TAFA5: variants seen among roughly 807,000 people sequenced by gnomAD.
The protein encoded by TAFA5 is chemokine-like protein TAFA-5.
In TAFA5, 6 loss-of-function variants were observed where a neutral mutation model predicts 15.3. The ratio of observed to expected loss-of-function variants is 0.39; its 90% CI spans 0.21 to 0.77. The LOEUF (loss-of-function observed/expected upper bound fraction) is 0.77. Among genes scored for constraint, TAFA5 ranks in the 30% least tolerant of loss-of-function variants. The probability of loss-of-function intolerance (pLI) is 0.41; values close to 1 mark genes in which losing one functional copy is unlikely to be tolerated. For missense variants in TAFA5, 161 were observed against 193.1 expected (o/e 0.83, Z 0.98); for synonymous variants, 103 against 80.7 (o/e 1.28, Z -1.48).
chr22:48,546,849 G>A (rs1922691963), intron 1 of TAFA5: 1 of 295,916 alleles, frequency 3.4e-6, no homozygotes, highest in South Asian at 3.0e-5. Flanking sequence ...CTCGTGCGGG[G>A]AGGACGATTG....
intron 2 of TAFA5, among the ~76,000 whole-genome samples, chr22:48,703,780 C>T (rs77437300): frequency 0.027 from 4,038 of 152,340 alleles, 178 homozygotes; most frequent in African/African-American, 0.093. Flanking sequence ...GCCCTGCAGG[C>T]AGGTCAGGAC....
intron 3 of TAFA5, among the ~76,000 whole-genome samples, chr22:48,727,049 T>C (rs130200): frequency 0.69 from 105,649 of 152,026 alleles, 37,831 homozygotes; most frequent in African/African-American, 0.77. Flanking sequence ...TCATACCACC[T>C]ACATACCTTT....
At chr22:48,577,638 A>T (rs537835963) in intron 1 of TAFA5, among the ~76,000 whole-genome samples, 2 of 151,924 alleles carry the variant, frequency 1.3e-5, no homozygotes, top group African/African-American at 4.9e-5. Flanking sequence ...TTCCTGACTA[A>T]TTAATGAGCC....
At chr22:48,585,907 T>C (rs1924340760) in intron 1 of TAFA5, among the ~76,000 whole-genome samples, 1 of 151,880 alleles carries the variant, frequency 6.6e-6, no homozygotes, top group Admixed American at 6.6e-5. Context: ...CCAAACATCA[T>C]AAACACACGT....
intron 1 of TAFA5, among the ~76,000 whole-genome samples, chr22:48,541,927 G>C (rs924849782): frequency 6.6e-5 from 10 of 152,190 alleles, no homozygotes; most frequent in African/African-American, 2.4e-4. Context: ...GGATCGTGTG[G>C]GTGCTGAGTG....
At chr22:48,707,232 A>G (rs1386709694) in intron 2 of TAFA5, among the ~76,000 whole-genome samples, 1 of 151,244 alleles carries the variant, frequency 6.6e-6, no homozygotes, top group Non-Finnish European at 1.5e-5. Context: ...TGGGAAATCG[A>G]CTCCCCATCT....
intron 2 of TAFA5, among the ~76,000 whole-genome samples, chr22:48,659,302 C>T (rs887762960): frequency 2.6e-5 from 4 of 152,262 alleles, no homozygotes; most frequent in Admixed American, 6.5e-5. Flanking sequence ...GCCAGGAGGT[C>T]TACGGGGACC....
intron 2 of TAFA5, among the ~76,000 whole-genome samples, chr22:48,706,719 CCT>C (rs1281826750): frequency 6.6e-6 from 1 of 152,118 alleles, no homozygotes; most frequent in African/African-American, 2.4e-5. Flanking sequence ...GATGGCAACC[CCT>C]GTTTGTAGGT....
At chr22:48,576,077 C>T (rs1332425070) in intron 1 of TAFA5, among the ~76,000 whole-genome samples, 1 of 123,960 alleles carries the variant, frequency 8.1e-6, no homozygotes, top group Non-Finnish European at 1.7e-5. Flanking sequence ...GTTGCGCAAT[C>T]CGCGGCCCGC....
intron 1 of TAFA5, among the ~76,000 whole-genome samples, chr22:48,555,166 C>T (rs1220217222): frequency 6.6e-6 from 1 of 152,202 alleles, no homozygotes; most frequent in African/African-American, 2.4e-5. Context: ...CACACAGGGG[C>T]TCCGTGGATG....
intron 2 of TAFA5, among the ~76,000 whole-genome samples, chr22:48,698,038 C>T (rs978933853): frequency 5.1e-5 from 7 of 138,096 alleles, no homozygotes; most frequent in East Asian, 2.2e-4. Context: ...ATAATGGTGG[C>T]GATGGTGGTG....
Position 48,583,923 on chromosome 22 carries a change from ACACACAC to A in TAFA5, c.113-62657_113-62651del, listed in dbSNP as rs761917598. Among the ~76,000 whole-genome samples, 343 of 131,014 alleles carry A rather than the reference ACACACAC, an allele frequency of 2.6e-3. 2 individuals carry two copies. The highest frequency in any genetic ancestry group is 4.2e-3 in the Non-Finnish European group (248 of 59,614). 86.0% of individuals were successfully genotyped at this position (131,014 alleles called of 152,430 possible). A position where few individuals can be genotyped will look rare whatever the true frequency, so the allele number is the denominator to read the frequency against. On this transcript the variant is annotated intron_variant, in intron 1 of 3. Coordinates refer to ENST00000402357, the MANE Select transcript of TAFA5 (RefSeq NM_001082967.3). Reference sequence around the variant, plus strand: ...ACACAAAATAAACCTCATACACCACACACACACCACACACCACACACCATACACACAC... The same window carrying A: ...ACACAAAATAAACCTCATACACCACACACACACCACACACCATACACACAC...
In TAFA5 at chr22:48,726,968, A is replaced by C. The variant is rs192076840; in HGVS notation, c.390+19124A>C. The stretch of plus-strand genomic sequence containing the variant: ...TCCTGGATTCCCTAGCTCAGAGCAC[A>C]CATTCAGGTGTATCTTCCGTACGGG... On this transcript the variant is annotated intron_variant, in intron 3 of 3. Transcript: ENST00000402357. Among the ~76,000 whole-genome samples, 33 of 152,300 alleles carry C rather than the reference A, an allele frequency of 2.2e-4. No individual in the cohort carries two copies. The East Asian group carries it at 6.4e-3, about 29-fold the overall frequency.
At chr22:48,508,966 T>G (rs1921110852) in intron 1 of TAFA5, among the ~76,000 whole-genome samples, 1 of 152,170 alleles carries the variant, frequency 6.6e-6, no homozygotes, top group African/African-American at 2.4e-5. Context: ...CTCCCTAGCC[T>G]CCTCCCCTCT....
At chr22:48,603,962 C>G (rs1351470648) in intron 1 of TAFA5, among the ~76,000 whole-genome samples, 1 of 152,166 alleles carries the variant, frequency 6.6e-6, no homozygotes, top group Non-Finnish European at 1.5e-5. Flanking sequence ...ATTGCTGACT[C>G]TTATTATTTG....
At position 48,492,641 on chromosome 22, in the gene TAFA5, GGAA is replaced by G. The variant is rs548806742; in HGVS notation, c.112+2942_112+2944del. Among the ~76,000 whole-genome samples, 721 of 152,266 alleles carry G rather than the reference GGAA, an allele frequency of 4.7e-3. 4 individuals carry two copies. Among genetic ancestry groups the G allele is most frequent in the African/African-American group, 0.017 (690 of 41,554 alleles). On this transcript the variant is annotated intron_variant, in intron 1 of 3. Coordinates refer to ENST00000402357, the MANE Select transcript of TAFA5 (RefSeq NM_001082967.3). ...CAGCCTTGTCATTTTCTCCTCCTGG[GGAA>G]GAAGTGCCAGGAGACGCAAACAGGG...
intron 3 of TAFA5, among the ~76,000 whole-genome samples, chr22:48,710,377 C>G (rs1409398510): frequency 6.6e-6 from 1 of 152,184 alleles, no homozygotes; most frequent in Non-Finnish European, 1.5e-5. Context: ...CCAGCCCTCC[C>G]TGCCTCCTGC....
intron 1 of TAFA5, among the ~76,000 whole-genome samples, chr22:48,579,121 C>T (rs1040010410): frequency 1.0e-5 from 1 of 99,106 alleles, no homozygotes; most frequent in Non-Finnish European, 2.4e-5. Context: ...CACCCCGTGG[C>T]TAATCCGTCC....
chr22:48,519,012 C>A (rs1921514305), intron 1 of TAFA5, among the ~76,000 whole-genome samples: 1 of 152,214 alleles, frequency 6.6e-6, no homozygotes, highest in African/African-American at 2.4e-5. Flanking sequence ...TGCAGTGCAG[C>A]AGGGAGGACG....
Sources: allele counts gnomAD v4.1 joint callset (sites outside exome capture counted in the v4.1 genomes callset), GRCh38; gene constraint gnomAD v4.1.1; transcripts MANE v1.5; gene names NCBI Gene and HGNC (gene_info 2026-07-23, HGNC 2026-07-21).